The following HMGCL variants were observed in gnomAD, a reference collection of about 807,000 sequenced individuals.
HMGCL encodes hydroxymethylglutaryl-CoA lyase, mitochondrial.
Under a neutral mutation model 37.3 loss-of-function variants are expected in HMGCL, and 26 were observed. That is an observed-to-expected ratio of 0.70 (90% CI 0.51 to 0.97). The LOEUF (loss-of-function observed/expected upper bound fraction) is 0.97, where lower values mean the gene tolerates loss of function less well. HMGCL is among the 50% of genes least tolerant of loss of function. HMGCL has a pLI of 0.00. For synonymous variants in HMGCL, 151 were observed against 148.0 expected (o/e 1.02, Z -0.15); for missense variants, 379 against 398.1 (o/e 0.95, Z 0.41).
At chr1:23,814,107 G>T in intron 5 of HMGCL, 83 bp downstream of exon 5, 1 of 1,486,398 alleles carries the variant, frequency 6.7e-7, no homozygotes. Flanking sequence ...TAAGAAGTTT[G>T]TGGCAGGAGG....
chr1:23,802,822 A>G (rs939276952), intron 8 of HMGCL, among the ~76,000 whole-genome samples: 1 of 152,202 alleles, frequency 6.6e-6, no homozygotes, highest in African/African-American at 2.4e-5. Flanking sequence ...AGATCTTATC[A>G]GTCTTGTTCA....
intron 3 of HMGCL, 105 bp downstream of exon 3, chr1:23,817,371 G>C (rs1314432459): frequency 1.4e-6 from 1 of 729,260 alleles, no homozygotes; most frequent in Non-Finnish European, 2.5e-6. Flanking sequence ...ACCTCTCAAA[G>C]CCAGGGGCTT....
At chr1:23,803,922 A>T (rs1026147495) in intron 8 of HMGCL, 1 of 165,672 alleles carries the variant, frequency 6.0e-6, no homozygotes, top group Non-Finnish European at 1.3e-5. Context: ...GAACTGACTC[A>T]TTTCAGGTCA....
At position 23,820,585 on chromosome 1, in the gene HMGCL, G is replaced by C; in HGVS notation, c.69C>G (p.Thr23=). The change falls in exon 2 of 9, where the codon ACC becomes ACG. Residue 23 remains threonine, a synonymous_variant. Transcript: ENST00000374490. ...GCTTTGGTAAAGTGCCCATAGATGA[G>C]GTGCTGACCTTTGGTTTAAAAGAGG... The part of the protein sequence containing the change: ...VGLASLRAVS[T]SSMGTLPKRV... 1 of 1,613,584 alleles carries C rather than the reference G, an allele frequency of 6.2e-7. No homozygotes were observed. Among genetic ancestry groups the C allele is most frequent in the Non-Finnish European group, 8.5e-7 (1 of 1,179,540 alleles).
At chr1:23,804,374 C>T (rs757201022) in intron 8 of HMGCL, 26 bp downstream of exon 8, 37 of 1,613,842 alleles carry the variant, frequency 2.3e-5, no homozygotes, top group Admixed American at 1.2e-4. Flanking sequence ...TCGGGGCTGT[C>T]GCCACCAGGG....
chr1:23,814,362 T>C, intron 4 of HMGCL, 24 bp from the exon 5 acceptor site: 1 of 1,611,552 alleles, frequency 6.2e-7, no homozygotes, highest in Non-Finnish European at 8.5e-7. Context: ...GGTGAACTCC[T>C]TTCAGCACTT....
At position 23,803,658 on chromosome 1, in the gene HMGCL, C is replaced by T. The variant is rs549505192; in HGVS notation, c.876+742G>A. The T allele has an allele frequency of 2.0e-5, 3 of 152,408 alleles. No individual in the cohort carries two copies. In the South Asian group the frequency reaches 6.2e-4, roughly 32 times the overall value. The allele number at this position is 152,408 out of a possible 1,614,324, so 9.4% of individuals were successfully genotyped here. The stretch of plus-strand genomic sequence containing the variant: ...CGTACGTTTTCTTACTTAATCCTCA[C>T]AATGGCTCCATGAGATGGATGGCAT... On this transcript the variant is annotated intron_variant, in intron 8 of 8. Transcript: ENST00000374490.
rs763250288 is a variant in HMGCL at position 23,802,580 on chromosome 1, T to C, written c.877-16A>G. On this transcript the variant is annotated splice_polypyrimidine_tract_variant and intron_variant, in intron 8 of 8. Coordinates refer to ENST00000374490, the MANE Select transcript of HMGCL (RefSeq NM_000191.3). ...GATTCACACCCTTTGAGAAACAAGT[T>C]AGAGGATGCGGTAAGTCATGGTATG... is the stretch of plus-strand genomic sequence containing the variant. 99 of 1,547,412 alleles carry C rather than the reference T, an allele frequency of 6.4e-5. No homozygotes were observed. The highest frequency in any genetic ancestry group is 1.7e-4 in the Middle Eastern group (1 of 5,968).
intron 6 of HMGCL, chr1:23,809,201 C>T (rs1057195393): frequency 2.8e-5 from 4 of 143,822 alleles, no homozygotes; most frequent in African/African-American, 7.7e-5. Flanking sequence ...CCACCATACC[C>T]GGCCAATCAA....
intron 2 of HMGCL, among the ~76,000 whole-genome samples, chr1:23,818,511 T>G (rs1225331574): frequency 6.6e-6 from 1 of 152,078 alleles, no homozygotes; most frequent in East Asian, 1.9e-4. Flanking sequence ...CTTGCCTGCC[T>G]TCTCCAGTTT....
chr1:23,804,846 A>G (rs1295770452), intron 7 of HMGCL, among the ~76,000 whole-genome samples: 3 of 135,128 alleles, frequency 2.2e-5, no homozygotes, highest in Non-Finnish European at 3.2e-5. Flanking sequence ...GAGATTTCAG[A>G]CCCCTGTTGT....
chr1:23,804,889 TTACCCCCCACC>T (rs1244067450), intron 7 of HMGCL, among the ~76,000 whole-genome samples: 5 of 35,366 alleles, frequency 1.4e-4, no homozygotes, highest in Non-Finnish European at 2.7e-4. Context: ...CCCCCCCCAC[TTACCCCCCACC>T]ACCTCCAGGC....
chr1:23,809,238 A>ATATATATTTTTTTTTT (rs1438166426), intron 6 of HMGCL: 2 of 84,456 alleles, frequency 2.4e-5, no homozygotes, highest in African/African-American at 9.9e-5. Flanking sequence ...ATATATATAT[A>ATATATATTTTTTTTTT]TTTTTTTTTT....
Position 23,820,559 on chromosome 1 carries a change from C to T in HMGCL, c.95G>A (p.Arg32Gln), listed in dbSNP as rs766699074. ...STSSMGTLPK[R>Q]VKIVEVGPRD... ...GGGACCAACTTCCACAATTTTCACC[C>T]GCTTTGGTAAAGTGCCCATAGATGA... is the stretch of plus-strand genomic sequence containing the variant. The change falls in exon 2 of 9, where the codon CGG becomes CAG. Residue 32 changes from arginine to glutamine, a missense_variant. By Grantham distance (43) the Arg-to-Gln change is conservative (BLOSUM62 1). Transcript: ENST00000374490. The T allele has an allele frequency of 9.9e-6, 16 of 1,613,954 alleles. No individual in the cohort carries two copies. The highest frequency in any genetic ancestry group is 5.3e-5 in the African/African-American group (4 of 74,908).
intron 2 of HMGCL, among the ~76,000 whole-genome samples, chr1:23,818,984 A>G (rs1638662880): frequency 7.5e-6 from 1 of 133,378 alleles, no homozygotes; most frequent in Admixed American, 8.5e-5. Context: ...AGCACTCACT[A>G]TTAAAGCTAG....
At chr1:23,814,122 C>A (rs1207133332) in intron 5 of HMGCL, 68 bp downstream of exon 5, 3 of 1,572,464 alleles carry the variant, frequency 1.9e-6, no homozygotes, top group African/African-American at 1.4e-5. Flanking sequence ...AGGAGGACCA[C>A]TTGAGTCAGA....
intron 6 of HMGCL, 156 bp downstream of exon 6, chr1:23,810,580 C>T: frequency 2.9e-6 from 2 of 698,694 alleles, no homozygotes; most frequent in Admixed American, 2.1e-5. Context: ...GGAGCAAGTG[C>T]AGGGCTGTGC....
At chr1:23,816,627 G>A in intron 4 of HMGCL, 48 bp downstream of exon 4, 1 of 1,102,836 alleles carries the variant, frequency 9.1e-7, no homozygotes, top group Non-Finnish European at 1.4e-6. Context: ...AGGGACCAAT[G>A]CCATCAATCT....
intron 2 of HMGCL, among the ~76,000 whole-genome samples, chr1:23,818,665 C>A (rs1324793110): frequency 6.6e-6 from 1 of 151,992 alleles, no homozygotes; most frequent in African/African-American, 2.4e-5. Context: ...GATTCTCCTG[C>A]CTCAGCCTCC....
Sources: gnomAD v4.1 joint callset for allele counts (sites outside exome capture counted in the v4.1 genomes callset) on GRCh38, gnomAD v4.1.1 for gene constraint, MANE v1.5 for transcripts, NCBI Gene and HGNC (gene_info 2026-07-23, HGNC 2026-07-21) for gene names.